TGM2: variants seen among roughly 807,000 people sequenced by gnomAD.
TGM2 encodes the protein transglutaminase 2.
In TGM2, 53 loss-of-function variants were observed where a neutral mutation model predicts 75.6. The ratio of observed to expected loss-of-function variants is 0.70; its 90% CI spans 0.56 to 0.88. The LOEUF (loss-of-function observed/expected upper bound fraction) is 0.88, where lower values mean the gene tolerates loss of function less well. Ranked by LOEUF, TGM2 falls within the 40% of genes least tolerant of loss-of-function variation. TGM2 has a pLI of 0.00. For missense variants in TGM2, 842 were observed against 928.5 expected, an observed-to-expected ratio of 0.91 and a Z score of 1.21; for synonymous variants, 374 against 381.1, an observed-to-expected ratio of 0.98 and a Z score of 0.22.
chr20:38,167,104 A>G (rs1009586169), upstream of TGM2, among the ~76,000 whole-genome samples: 1 of 152,176 alleles, frequency 6.6e-6, no homozygotes, highest in Admixed American at 6.5e-5. Flanking sequence ...GTGAGCATGC[A>G]ATAACTGGGG....
chr20:38,139,763 G>C, intron 8 of TGM2, 109 bp from the exon 9 acceptor site: 2 of 1,448,502 alleles, frequency 1.4e-6, no homozygotes, highest in Non-Finnish European at 1.9e-6. Flanking sequence ...AAGACCACGC[G>C]GCCCTCTGAC....
In TGM2 at chr20:38,131,351, CCCCCCT is replaced by C. The variant is rs911106934; in HGVS notation, c.1777-128_1777-123del. On this transcript the variant is annotated intron_variant, in intron 11 of 12. Transcript: ENST00000361475. The stretch of plus-strand genomic sequence containing the variant: ...CTGTACCCAGGTCTGCCACGATCAC[CCCCCCT>C]CCCCCCACCTCTGTGCCTCAGTTTC... 3.9e-4 allele frequency: 520 copies of C among 1,327,270 alleles called. 3 individuals are homozygous for C. The African/African-American group carries it at 7.6e-3, about 19-fold the overall frequency. 82.2% of individuals were successfully genotyped at this position (1,327,270 alleles called of 1,614,324 possible).
rs762982978 is a variant in TGM2, at chr20:38,156,004, C to G, written c.276G>C (p.Val92=). Residue 92 remains valine, a synonymous_variant, in exon 3 of 13, where the codon GTG becomes GTC. Transcript: ENST00000361475. ...AVEEGDWTAT[V]VDQQDCTLSL... ...AGAGGGTGCAGTCTTGCTGGTCCAC[C>G]ACGGTGGCTGTCCAGTCACCCTCCT... The G allele has an allele frequency of 1.6e-5, 26 of 1,613,682 alleles. No individual in the cohort carries two copies. In the Admixed American group the frequency reaches 4.0e-4, roughly 25 times the overall value.
intron 4 of TGM2, among the ~76,000 whole-genome samples, chr20:38,150,249 G>C (rs1380324955): frequency 6.6e-6 from 1 of 152,228 alleles, no homozygotes; most frequent in Non-Finnish European, 1.5e-5. Flanking sequence ...GCCATTGGCT[G>C]AGCCAGATGG....
chr20:38,165,359 A>C, upstream of TGM2: 1 of 1,023,808 alleles, frequency 9.8e-7, no homozygotes, highest in Admixed American at 2.0e-5. Context: ...CTGGGAGGCC[A>C]CCCATTGCCC....
intron 1 of TGM2, 83 bp downstream of exon 1, chr20:38,165,106 C>T: frequency 6.2e-7 from 1 of 1,606,490 alleles, no homozygotes; most frequent in Non-Finnish European, 8.5e-7. Flanking sequence ...CAAATCAGGA[C>T]TTAGGGATTC....
chr20:38,130,813 C>T (rs556193267), intron 12 of TGM2, among the ~76,000 whole-genome samples: 1 of 152,292 alleles, frequency 6.6e-6, no homozygotes, highest in South Asian at 2.1e-4. Flanking sequence ...AGGGCAGATA[C>T]CTGTCTATGT....
At chr20:38,159,537 AG>A (rs2122965650) in intron 2 of TGM2, among the ~76,000 whole-genome samples, 1 of 152,294 alleles carries the variant, frequency 6.6e-6, no homozygotes, top group Admixed American at 6.5e-5. Flanking sequence ...AAAGAAAGAA[AG>A]AAAGAAAAAT....
At chr20:38,141,126 T>C (rs1403907440) in intron 8 of TGM2, among the ~76,000 whole-genome samples, 156 bp downstream of exon 8, 1 of 152,168 alleles carries the variant, frequency 6.6e-6, no homozygotes, top group Non-Finnish European at 1.5e-5. Context: ...TCAAGAAGTG[T>C]GTTATTAAGA....
At chr20:38,160,529 A>G (rs2075240993) in intron 2 of TGM2, among the ~76,000 whole-genome samples, 1 of 152,210 alleles carries the variant, frequency 6.6e-6, no homozygotes, top group Non-Finnish European at 1.5e-5. Flanking sequence ...CAGATGATGA[A>G]ACCTCAGAGG....
At chr20:38,165,488 A>G (rs1201681223), upstream of TGM2, 1 of 549,924 alleles carries the variant, frequency 1.8e-6, no homozygotes, top group East Asian at 3.2e-5. Context: ...CAACTAGCCC[A>G]GGATACAGAC....
rs1187573694 is a variant in TGM2, at chr20:38,129,467, C to G, written c.*752G>C. The G allele has an allele frequency of 2.0e-5, 3 of 152,256 alleles. No individual in the cohort carries two copies. Among genetic ancestry groups the G allele is most frequent in the African/African-American group, 7.2e-5 (3 of 41,458 alleles). 9.4% of individuals were successfully genotyped at this position (152,256 alleles called of 1,614,324 possible). A position where few individuals can be genotyped will look rare whatever the true frequency, so the allele number is the denominator to read the frequency against. On this transcript the variant is annotated 3_prime_UTR_variant, in exon 13 of 13. Coordinates refer to ENST00000361475, the MANE Select transcript of TGM2 (RefSeq NM_004613.4). The stretch of plus-strand genomic sequence containing the variant: ...CCCAGACTCTGCTCTTGGGCCTTCA[C>G]ATTACCCAGCCTTGCTAATAACCAC...
In TGM2 at chr20:38,129,263, A is replaced by T. The variant is rs1400826738; in HGVS notation, c.*956T>A. The T allele has an allele frequency of 6.6e-6, 1 of 152,324 alleles. No homozygotes were observed. Among genetic ancestry groups the T allele is most frequent in the Admixed American group, 6.5e-5 (1 of 15,288 alleles). 9.4% of individuals were successfully genotyped at this position (152,324 alleles called of 1,614,324 possible). ...AACAAAGGCCCAGAGAGGAGAAGGC[A>T]GTGCCTGGCCAGACGTGGGACCTGA... On this transcript the variant is annotated 3_prime_UTR_variant, in exon 13 of 13. Coordinates refer to ENST00000361475, the MANE Select transcript of TGM2 (RefSeq NM_004613.4).
chr20:38,151,048 A>T lies in TGM2; in HGVS notation c.443T>A (p.Val148Glu). The T allele has an allele frequency of 6.2e-7, 1 of 1,613,810 alleles. No homozygotes were observed. Among genetic ancestry groups the T allele is most frequent in the African/African-American group, 1.3e-5 (1 of 75,064 alleles). Residue 148 changes from valine (V) to glutamate (E), a missense_variant, in exon 4 of 13, where the codon GTG (valine) becomes GAG (glutamate). Transcript: ENST00000361475. ...LFNAWCPADA[V>E]YLDSEEERQE... ...CCGCTCCTCTTCCGAGTCCAGGTAC[A>T]CAGCATCCGCTGCAGGCAGGAAGAA... is the stretch of plus-strand genomic sequence containing the variant.
intron 6 of TGM2, among the ~76,000 whole-genome samples, chr20:38,143,757 C>A (rs576234288): frequency 2.6e-5 from 4 of 152,154 alleles, no homozygotes; most frequent in African/African-American, 9.7e-5. Flanking sequence ...CAAGATTAGG[C>A]GTAATAAGGT....
intron 1 of TGM2, among the ~76,000 whole-genome samples, chr20:38,164,400 C>T (rs2075288202): frequency 6.6e-6 from 1 of 152,174 alleles, no homozygotes. Context: ...GTAGAAATCC[C>T]TCCAGCTGGG....
At chr20:38,130,425 C>T (rs2074813384) in intron 12 of TGM2, 56 bp from the exon 13 acceptor site, 3 of 1,540,814 alleles carry the variant, frequency 1.9e-6, no homozygotes, top group Admixed American at 2.0e-5. Context: ...CTCCCGCATG[C>T]TGGGGTCCAG....
intron 2 of TGM2, among the ~76,000 whole-genome samples, chr20:38,157,329 C>T (rs755911499): frequency 7.9e-5 from 12 of 152,126 alleles, no homozygotes; most frequent in Non-Finnish European, 1.6e-4. Context: ...TGCCAGGGGC[C>T]GACTGGAAGC....
intron 6 of TGM2, among the ~76,000 whole-genome samples, 177 bp from the exon 7 acceptor site, chr20:38,142,376 A>C (rs550201292): frequency 4.2e-4 from 64 of 152,242 alleles, no homozygotes; most frequent in Non-Finnish European, 6.9e-4. Context: ...CCCCATGTCC[A>C]TTCTATGCCC....
Sources: allele counts gnomAD v4.1 joint callset (sites outside exome capture counted in the v4.1 genomes callset), GRCh38; gene constraint gnomAD v4.1.1; transcripts MANE v1.5; gene names NCBI Gene and HGNC (gene_info 2026-07-23, HGNC 2026-07-21).